The following ROBO1 variants were observed in gnomAD, a reference collection of about 807,000 sequenced individuals.
The protein encoded by ROBO1 is roundabout guidance receptor 1.
A neutral mutation model predicts 195.9 loss-of-function variants in ROBO1; 149 were observed. The observed-to-expected ratio is 0.76, with a 90% confidence interval of 0.67 to 0.87. The LOEUF (loss-of-function observed/expected upper bound fraction) is 0.87, where lower values mean the gene tolerates loss of function less well. ROBO1 is among the 40% of genes least tolerant of loss of function. ROBO1 has a pLI of 0.00. For synonymous variants in ROBO1, 816 were observed against 733.2 expected, an observed-to-expected ratio of 1.11 and a Z score of -1.82; for missense variants, 1,933 against 2,068.3, an observed-to-expected ratio of 0.93 and a Z score of 1.27.
chr3:79,033,824 T>C (rs891290904), intron 3 of ROBO1, among the ~76,000 whole-genome samples: 3 of 152,198 alleles, frequency 2.0e-5, no homozygotes, highest in African/African-American at 7.2e-5. Flanking sequence ...TGGTCTTCAT[T>C]TCTCAAAGTG....
intron 5 of ROBO1, 45 bp downstream of exon 5, chr3:78,746,698 C>G (rs553260209): frequency 4.4e-6 from 6 of 1,374,752 alleles, no homozygotes; most frequent in Non-Finnish European, 5.7e-6. Flanking sequence ...AAGATACACA[C>G]AGTTAGACCA....
At chr3:78,944,772 G>T (rs1358026628) in intron 3 of ROBO1, among the ~76,000 whole-genome samples, 1 of 152,174 alleles carries the variant, frequency 6.6e-6, no homozygotes, top group Admixed American at 6.5e-5. Flanking sequence ...GTCAAAGAAA[G>T]GGGTGACAGA....
chr3:78,859,690 T>C (rs1372673014), intron 4 of ROBO1, among the ~76,000 whole-genome samples: 1 of 152,120 alleles, frequency 6.6e-6, no homozygotes, highest in Non-Finnish European at 1.5e-5. Context: ...TTAAAGTTAT[T>C]ACTGCATGAG....
intron 3 of ROBO1, chr3:79,019,108 G>T: frequency 1.0e-6 from 1 of 987,332 alleles, no homozygotes; most frequent in Non-Finnish European, 1.2e-6. Context: ...CATCACTTGG[G>T]GGATGCGGAG....
At chr3:79,555,593 A>G (rs1267639381) in intron 2 of ROBO1, among the ~76,000 whole-genome samples, 1 of 152,142 alleles carries the variant, frequency 6.6e-6, no homozygotes, top group Non-Finnish European at 1.5e-5. Context: ...CAGATCTCCT[A>G]GTTTCTGAAC....
chr3:79,305,607 T>C (rs2033183670), intron 2 of ROBO1, among the ~76,000 whole-genome samples: 1 of 152,048 alleles, frequency 6.6e-6, no homozygotes, highest in Admixed American at 6.6e-5. Context: ...AGCTGCATTA[T>C]TGCTTTAAAA....
intron 21 of ROBO1, among the ~76,000 whole-genome samples, chr3:78,645,642 A>C (rs138528162): frequency 6.6e-6 from 1 of 152,082 alleles, no homozygotes; most frequent in Non-Finnish European, 1.5e-5. Flanking sequence ...AGGAGGGAAA[A>C]CATTCTTTGT....
chr3:78,941,587 G>A (rs949597133), intron 3 of ROBO1, among the ~76,000 whole-genome samples: 8 of 152,166 alleles, frequency 5.3e-5, no homozygotes, highest in East Asian at 1.9e-4. Context: ...AAGGGCCACC[G>A]AAGATTGCCT....
chr3:79,384,595 C>A (rs2036673836), intron 2 of ROBO1, among the ~76,000 whole-genome samples: 1 of 151,892 alleles, frequency 6.6e-6, no homozygotes, highest in Admixed American at 6.6e-5. Context: ...GTAGATGAGG[C>A]TTTATTTTCA....
intron 2 of ROBO1, among the ~76,000 whole-genome samples, chr3:79,378,188 ATTCTCTCTCTCT>A (rs1454537956): frequency 6.7e-6 from 1 of 149,616 alleles, no homozygotes; most frequent in Admixed American, 6.7e-5. Flanking sequence ...ACTATCACAC[ATTCTCTCTCTCT>A]TTCTCTCTCT....
At chr3:79,707,479 A>G (rs2107201307) in intron 1 of ROBO1, among the ~76,000 whole-genome samples, 1 of 152,164 alleles carries the variant, frequency 6.6e-6, no homozygotes, top group Non-Finnish European at 1.5e-5. Context: ...TTGATTCCCT[A>G]CATATCACGT....
chr3:79,709,484 G>T (rs1702189877), intron 1 of ROBO1, among the ~76,000 whole-genome samples: 2 of 151,104 alleles, frequency 1.3e-5, no homozygotes, highest in African/African-American at 4.9e-5. Flanking sequence ...AGAGGAAAAG[G>T]TTTTAAAATA....
intron 1 of ROBO1, among the ~76,000 whole-genome samples, chr3:79,633,812 A>C (rs574371709): frequency 6.6e-6 from 1 of 152,284 alleles, no homozygotes; most frequent in East Asian, 1.9e-4. Flanking sequence ...ATTGAAGCTA[A>C]AAATCTTTCT....
intron 2 of ROBO1, among the ~76,000 whole-genome samples, chr3:79,251,472 G>T (rs1480608092): frequency 6.6e-6 from 1 of 152,154 alleles, no homozygotes; most frequent in Non-Finnish European, 1.5e-5. Context: ...AGGTGACCAG[G>T]CTGGGCGCTG....
At chr3:79,684,944 G>C (rs896696857) in intron 1 of ROBO1, among the ~76,000 whole-genome samples, 2 of 152,018 alleles carry the variant, frequency 1.3e-5, no homozygotes, top group African/African-American at 4.8e-5. Flanking sequence ...CCAAAGTGCT[G>C]GGATTACAGG....
At chr3:78,947,576 G>T (rs1181595796) in intron 3 of ROBO1, among the ~76,000 whole-genome samples, 12 of 152,162 alleles carry the variant, frequency 7.9e-5, no homozygotes, top group Admixed American at 7.9e-4. Context: ...AAGTAGGAAA[G>T]ATCTAAAATT....
At chr3:78,802,840 A>G (rs1843787) in intron 4 of ROBO1, among the ~76,000 whole-genome samples, 110 of 152,220 alleles carry the variant, frequency 7.2e-4, no homozygotes, top group African/African-American at 2.5e-3. Context: ...TGTCTCTATA[A>G]GTAGAGAGAT....
intron 1 of ROBO1, among the ~76,000 whole-genome samples, chr3:79,610,106 T>C (rs954376728): frequency 6.6e-6 from 1 of 151,992 alleles, no homozygotes; most frequent in Non-Finnish European, 1.5e-5. Flanking sequence ...TAATAATATA[T>C]TGTTAATTTA....
chr3:79,245,955 G>A (rs1415537842), intron 2 of ROBO1, among the ~76,000 whole-genome samples: 1 of 152,014 alleles, frequency 6.6e-6, no homozygotes, highest in Admixed American at 6.6e-5. Flanking sequence ...GGGAACAGCT[G>A]TATCTCTGAC....
Sources: allele counts gnomAD v4.1 joint callset (sites outside exome capture counted in the v4.1 genomes callset), GRCh38; gene constraint gnomAD v4.1.1; transcripts MANE v1.5; gene names NCBI Gene and HGNC (gene_info 2026-07-23, HGNC 2026-07-21).